Variants in NCKAP5 observed in about 807,000 individuals in gnomAD.
NCKAP5 encodes the protein nck-associated protein 5.
NCKAP5 carries 92 observed loss-of-function variants against 167.0 expected under a neutral mutation model. That is an observed-to-expected ratio of 0.55 (90% confidence interval 0.47 to 0.66). NCKAP5 has a LOEUF of 0.66. Among genes scored for constraint, NCKAP5 ranks in the 30% least tolerant of loss-of-function variants. The pLI is 0.00. For missense variants in NCKAP5, 2,378 were observed against 2,315.0 expected (o/e 1.03, Z -0.56); for synonymous variants, 891 against 877.4 (o/e 1.02, Z -0.27).
chr2:133,375,173 A>T (rs915372045), intron 3 of NCKAP5, among the ~76,000 whole-genome samples: 1 of 152,222 alleles, frequency 6.6e-6, no homozygotes, highest in Non-Finnish European at 1.5e-5. Flanking sequence ...GAAGTGATGA[A>T]CACAAAAAGA....
At chr2:133,112,550 ACC>A (rs1416456111) in intron 6 of NCKAP5, among the ~76,000 whole-genome samples, 7 of 151,880 alleles carry the variant, frequency 4.6e-5, no homozygotes, top group Admixed American at 4.6e-4. Context: ...AATCACACAC[ACC>A]CTCCAATGTC....
chr2:132,853,523 C>T (rs549764582), intron 11 of NCKAP5, among the ~76,000 whole-genome samples: 1 of 152,246 alleles, frequency 6.6e-6, no homozygotes, highest in South Asian at 2.1e-4. Context: ...GCCATGTGCT[C>T]TTGAAAGCAA....
At chr2:133,201,776 AAAC>A (rs1199971757) in intron 5 of NCKAP5, among the ~76,000 whole-genome samples, 2 of 152,184 alleles carry the variant, frequency 1.3e-5, no homozygotes, top group African/African-American at 2.4e-5. Flanking sequence ...CTCATTTCAA[AAAC>A]AACACAGAGA....
chr2:132,970,570 G>A (rs1466833650), intron 7 of NCKAP5, among the ~76,000 whole-genome samples: 1 of 152,118 alleles, frequency 6.6e-6, no homozygotes, highest in Non-Finnish European at 1.5e-5. Flanking sequence ...ACAAATACCA[G>A]CTAGAACTCA....
At chr2:132,962,143 A>G (rs1166726218) in intron 8 of NCKAP5, among the ~76,000 whole-genome samples, 1 of 152,216 alleles carries the variant, frequency 6.6e-6, no homozygotes, top group African/African-American at 2.4e-5. Flanking sequence ...TGTGTGGAGT[A>G]GCCCAACTCT....
At chr2:133,540,922 A>G (rs1686173623) in intron 2 of NCKAP5, among the ~76,000 whole-genome samples, 1 of 138,318 alleles carries the variant, frequency 7.2e-6, no homozygotes, top group East Asian at 2.2e-4. Flanking sequence ...TGACAGCACA[A>G]GACTCTGTCT....
At chr2:132,785,759 T>C in intron 13 of NCKAP5, 41 bp from the exon 14 acceptor site, 3 of 1,412,640 alleles carry the variant, frequency 2.1e-6, no homozygotes, top group Non-Finnish European at 2.8e-6. Context: ...TTGAACCATG[T>C]AGATCACAAA....
chr2:133,041,713 G>T (rs1008866477), intron 6 of NCKAP5, among the ~76,000 whole-genome samples: 1 of 152,014 alleles, frequency 6.6e-6, no homozygotes, highest in Admixed American at 6.6e-5. Flanking sequence ...CCTCAGGAAA[G>T]AATCATCTTG....
At chr2:133,221,002 ATTG>A (rs1402275530) in intron 4 of NCKAP5, among the ~76,000 whole-genome samples, 3 of 152,190 alleles carry the variant, frequency 2.0e-5, no homozygotes, top group Non-Finnish European at 4.4e-5. Context: ...ATTTCTACTC[ATTG>A]TTAAGTCTCA....
chr2:133,416,781 C>T (rs1689138233), intron 3 of NCKAP5, among the ~76,000 whole-genome samples: 1 of 152,144 alleles, frequency 6.6e-6, no homozygotes. Flanking sequence ...CCATTCCGAG[C>T]TTAGGATGAG....
chr2:132,903,305 G>A (rs1428024954), intron 8 of NCKAP5, among the ~76,000 whole-genome samples: 1 of 152,204 alleles, frequency 6.6e-6, no homozygotes, highest in Admixed American at 6.5e-5. Context: ...TACCATTTTG[G>A]TTAAATGGCT....
chr2:133,458,638 C>T (rs185847346), intron 3 of NCKAP5, among the ~76,000 whole-genome samples: 66 of 152,076 alleles, frequency 4.3e-4, no homozygotes, highest in Admixed American at 5.9e-4. Flanking sequence ...AAGTAAGCCC[C>T]CAAGAAAGGA....
chr2:133,652,705 T>C, the NCKAP5 span, among the ~76,000 whole-genome samples: 1 of 152,244 alleles, frequency 6.6e-6, no homozygotes, highest in Admixed American at 6.5e-5. Flanking sequence ...AGGTCGTCTC[T>C]CAGCCTTGGA....
chr2:133,373,485 T>C (rs1334944821), intron 3 of NCKAP5, among the ~76,000 whole-genome samples: 1 of 152,248 alleles, frequency 6.6e-6, no homozygotes, highest in Non-Finnish European at 1.5e-5. Context: ...ATATCAGTTC[T>C]TTCAAACCTG....
At chr2:133,312,066 C>T (rs1001047320) in intron 3 of NCKAP5, among the ~76,000 whole-genome samples, 1 of 152,166 alleles carries the variant, frequency 6.6e-6, no homozygotes, top group Non-Finnish European at 1.5e-5. Context: ...GTAAAATTCA[C>T]AACCAAAATT....
intron 5 of NCKAP5, among the ~76,000 whole-genome samples, chr2:133,207,443 T>TAA (rs1279077672): frequency 2.6e-5 from 4 of 152,166 alleles, no homozygotes; most frequent in African/African-American, 9.7e-5. Flanking sequence ...ATTCCTGGAA[T>TAA]AAATACCACT....
At chr2:133,462,318 GGCAGATGTCTTGGT>G (rs1311885384) in intron 3 of NCKAP5, among the ~76,000 whole-genome samples, 4 of 152,040 alleles carry the variant, frequency 2.6e-5, no homozygotes, top group Non-Finnish European at 4.4e-5. Context: ...ATAATGGATG[GGCAGATGTCTTGGT>G]GCCCACTTTC....
At chr2:133,545,753 A>G (rs1005339095) in intron 2 of NCKAP5, among the ~76,000 whole-genome samples, 3 of 152,220 alleles carry the variant, frequency 2.0e-5, no homozygotes, top group African/African-American at 7.2e-5. Context: ...AAGATAGCAT[A>G]GAAGGGAGGA....
rs536765321 is a variant in NCKAP5, at chr2:133,111,168, G to A, written c.341+18810C>T. On this transcript the variant is annotated intron_variant, in intron 6 of 19. Coordinates refer to ENST00000409261, the MANE Select transcript of NCKAP5 (RefSeq NM_207363.3). Reference sequence around the variant, plus strand: ...CAATTCCATCCATAACACACACCACGTAAGAGGAAAGAGAGAAGCCTTCTC... The same window carrying A: ...CAATTCCATCCATAACACACACCACATAAGAGGAAAGAGAGAAGCCTTCTC... Among the ~76,000 whole-genome samples, 9 of 152,242 alleles carry A rather than the reference G, an allele frequency of 5.9e-5. No individual in the cohort carries two copies. The East Asian group carries it at 9.7e-4, about 16-fold the overall frequency.
Sources: gnomAD v4.1 joint callset for allele counts (sites outside exome capture counted in the v4.1 genomes callset) on GRCh38, gnomAD v4.1.1 for gene constraint, MANE v1.5 for transcripts, NCBI Gene and HGNC (gene_info 2026-07-23, HGNC 2026-07-21) for gene names.